The following RALYL variants were observed in gnomAD, a reference collection of about 807,000 sequenced individuals.
RALYL encodes the protein RALY RNA binding protein like.
Under a neutral mutation model 35.1 loss-of-function variants are expected in RALYL, and 29 were observed. That is an observed-to-expected ratio of 0.83 (90% CI 0.61 to 1.13). The LOEUF (loss-of-function observed/expected upper bound fraction) is 1.13. Among genes scored for constraint, RALYL ranks in the 50% most tolerant of loss-of-function variants. The pLI is 0.00. For missense variants in RALYL, 359 were observed against 360.4 expected, an observed-to-expected ratio of 1.00 and a Z score of 0.03; for synonymous variants, 120 against 127.6, an observed-to-expected ratio of 0.94 and a Z score of 0.40.
intron 3 of RALYL, among the ~76,000 whole-genome samples, chr8:84,789,365 A>G (rs944754989): frequency 6.6e-6 from 1 of 152,242 alleles, no homozygotes; most frequent in East Asian, 1.9e-4. Context: ...CTATCTTACT[A>G]AAACTATCTA....
chr8:84,801,277 T>A (rs1465806912), intron 3 of RALYL, among the ~76,000 whole-genome samples: 1 of 152,178 alleles, frequency 6.6e-6, no homozygotes, highest in Non-Finnish European at 1.5e-5. Flanking sequence ...CCTTATCATC[T>A]ATGGCTTGGA....
chr8:84,214,412 A>G (rs1820280318), intron 1 of RALYL, among the ~76,000 whole-genome samples: 1 of 152,150 alleles, frequency 6.6e-6, no homozygotes, highest in Non-Finnish European at 1.5e-5. Flanking sequence ...AAATTTAAAT[A>G]AACTAAGTAG....
At chr8:84,719,883 C>A (rs911427768) in intron 2 of RALYL, among the ~76,000 whole-genome samples, 1 of 152,038 alleles carries the variant, frequency 6.6e-6, no homozygotes, top group African/African-American at 2.4e-5. Context: ...CTAACTGTGA[C>A]CATATATACA....
intron 1 of RALYL, among the ~76,000 whole-genome samples, chr8:84,242,391 T>C (rs1828137363): frequency 1.3e-5 from 2 of 152,248 alleles, no homozygotes; most frequent in South Asian, 2.1e-4. Context: ...TTGGTATTTC[T>C]GCCTCTAAAT....
At chr8:84,304,058 G>A (rs1390872169) in intron 1 of RALYL, among the ~76,000 whole-genome samples, 1 of 151,790 alleles carries the variant, frequency 6.6e-6, no homozygotes, top group Non-Finnish European at 1.5e-5. Flanking sequence ...TCTTTTTATT[G>A]GAATTCTATT....
rs186372525 is a variant in RALYL, at chr8:84,656,146, C to A, written c.257-118433C>A. ...TTTTATATGCAAGAGGACATATTTG[C>A]AGTATAACTGATTATAAAAGTACAA... On this transcript the variant is annotated intron_variant, in intron 2 of 8. Transcript: ENST00000521268. Among the ~76,000 whole-genome samples, 112 of 152,178 alleles carry A rather than the reference C, an allele frequency of 7.4e-4. 1 individual carries two copies. Among genetic ancestry groups the A allele is most frequent in the Admixed American group, 5.6e-3 (85 of 15,270 alleles).
At chr8:84,459,817 G>A (rs889649883) in intron 1 of RALYL, among the ~76,000 whole-genome samples, 6 of 151,752 alleles carry the variant, frequency 4.0e-5, no homozygotes, top group Admixed American at 6.6e-5. Flanking sequence ...ACTCATCTGC[G>A]AAGCTATAAG....
At chr8:84,729,655 A>T (rs1390349493) in intron 2 of RALYL, among the ~76,000 whole-genome samples, 1 of 152,160 alleles carries the variant, frequency 6.6e-6, no homozygotes, top group African/African-American at 2.4e-5. Context: ...GTAAAGAAAA[A>T]AAGAGAGAAG....
chr8:84,892,602 C>T (rs1258044287), intron 8 of RALYL, among the ~76,000 whole-genome samples: 2 of 145,334 alleles, frequency 1.4e-5, no homozygotes, highest in Non-Finnish European at 3.0e-5. Context: ...AGAGCAAAAA[C>T]TCTGTCTTAA....
intron 1 of RALYL, among the ~76,000 whole-genome samples, chr8:84,290,261 A>C (rs959833564): frequency 6.6e-6 from 1 of 152,076 alleles, no homozygotes; most frequent in South Asian, 2.1e-4. Context: ...TGTTACATTA[A>C]ATATTCTTGG....
intron 2 of RALYL, among the ~76,000 whole-genome samples, chr8:84,571,046 C>G (rs1265839161): frequency 1.3e-5 from 2 of 151,252 alleles, no homozygotes; most frequent in African/African-American, 4.8e-5. Flanking sequence ...GTTCTGTTTG[C>G]TAGTATTTTG....
At chr8:84,530,596 G>A (rs62528219) in intron 2 of RALYL, among the ~76,000 whole-genome samples, 3 of 151,972 alleles carry the variant, frequency 2.0e-5, no homozygotes, top group Admixed American at 6.6e-5. Context: ...TGTGCTGAAG[G>A]CCATCTCATA....
intron 1 of RALYL, among the ~76,000 whole-genome samples, chr8:84,445,254 A>G (rs1431565451): frequency 6.6e-6 from 1 of 152,084 alleles, no homozygotes; most frequent in Admixed American, 6.6e-5. Flanking sequence ...TTAAAGTGAC[A>G]TAAAATGTAT....
chr8:84,452,712 A>G (rs2049639675), intron 1 of RALYL, among the ~76,000 whole-genome samples: 1 of 151,968 alleles, frequency 6.6e-6, no homozygotes, highest in Admixed American at 6.6e-5. Flanking sequence ...TGTTCAGTGA[A>G]CATTGTTGTA....
At chr8:84,622,358 C>T (rs1285304716) in intron 2 of RALYL, among the ~76,000 whole-genome samples, 1 of 152,156 alleles carries the variant, frequency 6.6e-6, no homozygotes, top group Non-Finnish European at 1.5e-5. Context: ...GAAATCTACA[C>T]TGTGATTTTC....
chr8:84,443,264 CA>C (rs1450948481), intron 1 of RALYL, among the ~76,000 whole-genome samples: 1 of 152,074 alleles, frequency 6.6e-6, no homozygotes, highest in Non-Finnish European at 1.5e-5. Flanking sequence ...TCTTTTTCTG[CA>C]GTAAGGAAAT....
intron 1 of RALYL, among the ~76,000 whole-genome samples, chr8:84,251,105 A>G (rs1478259651): frequency 6.6e-6 from 1 of 152,128 alleles, no homozygotes; most frequent in Non-Finnish European, 1.5e-5. Context: ...GTTATTTTTG[A>G]CTGAGAATGC....
At chr8:84,498,570 A>G (rs185513806) in intron 1 of RALYL, among the ~76,000 whole-genome samples, 48 of 152,246 alleles carry the variant, frequency 3.2e-4, no homozygotes, top group African/African-American at 1.1e-3. Flanking sequence ...TACCTCATCA[A>G]TAGTATTTTT....
chr8:84,215,345 C>T (rs61520557), intron 1 of RALYL, among the ~76,000 whole-genome samples: 4,928 of 151,836 alleles, frequency 0.032, 274 homozygotes, highest in African/African-American at 0.11. Flanking sequence ...ATTGAAATGG[C>T]CATCAGCACT....
Sources: allele counts gnomAD v4.1 joint callset (sites outside exome capture counted in the v4.1 genomes callset), GRCh38; gene constraint gnomAD v4.1.1; transcripts MANE v1.5; gene names NCBI Gene and HGNC (gene_info 2026-07-23, HGNC 2026-07-21).